PRCD: variants seen among roughly 807,000 people sequenced by gnomAD.
PRCD encodes the protein photoreceptor disk component PRCD.
PRCD carries 12 observed loss-of-function variants against 10.1 expected under a neutral mutation model. The ratio of observed to expected loss-of-function variants is 1.18; its 90% CI spans 0.76 to 1.92. PRCD has a LOEUF of 1.92. PRCD is among the 40% of genes most tolerant of loss of function. PRCD has a pLI of 0.00. For synonymous variants in PRCD, 31 were observed against 26.2 expected, an observed-to-expected ratio of 1.18 and a Z score of -0.56; for missense variants, 61 against 72.2, an observed-to-expected ratio of 0.84 and a Z score of 0.56.
intron 1 of PRCD, chr17:76,529,949 T>C (rs975822662): frequency 4.1e-6 from 4 of 985,074 alleles, no homozygotes; most frequent in Admixed American, 6.1e-5. Flanking sequence ...GGGGCCAGTG[T>C]GGTCAGCAGC....
upstream of PRCD, chr17:76,538,567 G>GA: frequency 2.2e-6 from 1 of 463,962 alleles, no homozygotes; most frequent in East Asian, 7.4e-5. Flanking sequence ...AGTCCAGAGA[G>GA]GCACCGGATA....
intron 4 of PRCD, among the ~76,000 whole-genome samples, 183 bp from the exon 5 acceptor site, chr17:76,543,620 C>G (rs1384034834): frequency 2.6e-5 from 4 of 152,234 alleles, no homozygotes; most frequent in Non-Finnish European, 5.9e-5. Context: ...ACGCTCCTAC[C>G]CACCATGGCA....
chr17:76,534,688 G>A (rs1429869394), intron 1 of PRCD, among the ~76,000 whole-genome samples: 4 of 152,182 alleles, frequency 2.6e-5, no homozygotes, highest in Admixed American at 2.6e-4. Flanking sequence ...GTGCCAGGAA[G>A]GGGCCCAGGC....
rs4648337 is a variant in PRCD, at chr17:76,531,715, C to A, written n.45+3882C>A. 6.4e-7 allele frequency: 1 copy of A among 1,564,598 alleles called. No individual in the cohort carries two copies. Among genetic ancestry groups the A allele is most frequent in the South Asian group, 1.2e-5 (1 of 85,538 alleles). ...ACCTGGCAAGAGGAACAGGGGTGGT[C>A]GCTGAAGCTGGAGGCTGCCTCGGGC... is the stretch of plus-strand genomic sequence containing the variant. On this transcript the variant is annotated intron_variant and non_coding_transcript_variant, in intron 1 of 4. Transcript: ENST00000397633. The surrounding 1 kb of genome is among the most constrained non-coding windows in gnomAD (Gnocchi z 7.4).
In PRCD at chr17:76,540,307, C is replaced by A; in HGVS notation, c.74+92C>A. Reference sequence around the variant, plus strand: ...CCAAGCTGAAGGTGGGCAGGGGCTGCGTGAACCTTCAGCGGGGCTGGGAGG... The same window carrying A: ...CCAAGCTGAAGGTGGGCAGGGGCTGAGTGAACCTTCAGCGGGGCTGGGAGG... On this transcript the variant is annotated intron_variant, in intron 1 of 4. Transcript: ENST00000592014. The surrounding 1 kb of genome is among the most constrained non-coding windows in gnomAD (Gnocchi z 5.0). 7.1e-7 allele frequency: 1 copy of A among 1,406,746 alleles called. No homozygotes were observed. The highest frequency in any genetic ancestry group is 9.8e-7 in the Non-Finnish European group (1 of 1,021,736). 87.1% of individuals were successfully genotyped at this position (1,406,746 alleles called of 1,614,324 possible).
At position 76,534,146 on chromosome 17, in the gene PRCD, T is replaced by TTCTCTCTCTCTCTCTCTCTCTC. The variant is rs71158013; in HGVS notation, n.45+6323_46-6328dup. Among the ~76,000 whole-genome samples the TTCTCTCTCTCTCTCTCTCTCTC allele has an allele frequency of 1.9e-3, 251 of 128,966 alleles. 2 individuals are homozygous for TTCTCTCTCTCTCTCTCTCTCTC. Among genetic ancestry groups the TTCTCTCTCTCTCTCTCTCTCTC allele is most frequent in the Middle Eastern group, 4.1e-3 (1 of 246 alleles). 84.6% of individuals were successfully genotyped at this position (128,966 alleles called of 152,430 possible). A position where few individuals can be genotyped will look rare whatever the true frequency, so the allele number is the denominator to read the frequency against. ...TCTTTCTTTCTCTCTCTCTTTCTCTTTCTCTCTCTCTCTCTCTCTCTCTCT... is the reference window on the plus strand; with the variant it reads ...TCTTTCTTTCTCTCTCTCTTTCTCTTTCTCTCTCTCTCTCTCTCTCTCTCTCTCTCTCTCTCTCTCTCTCTCT... On this transcript the variant is annotated intron_variant and non_coding_transcript_variant, in intron 1 of 4. Coordinates refer to the PRCD transcript ENST00000397633.
At chr17:76,537,737 A>T, upstream of PRCD, 1 of 185,586 alleles carries the variant, frequency 5.4e-6, no homozygotes, top group Non-Finnish European at 9.4e-6. Flanking sequence ...TGCAGGGTAT[A>T]TGTGCGGGGG....
chr17:76,531,429 T>G lies in PRCD; in HGVS notation n.45+3596T>G, dbSNP rs759861535. On this transcript the variant is annotated intron_variant and non_coding_transcript_variant, in intron 1 of 4. Transcript: ENST00000397633. The surrounding 1 kb of genome is among the most constrained non-coding windows in gnomAD (Gnocchi z 7.4). ...GCAGATGGCCATGACGCGTGGGCGG[T>G]GGGGGCTCTGCAGCAGATGGGGGCG... 1.6e-5 allele frequency: 25 copies of G among 1,590,382 alleles called. No homozygotes were observed. Among genetic ancestry groups the G allele is most frequent in the African/African-American group, 4.0e-5 (3 of 74,480 alleles).
At chr17:76,542,729 C>A in intron 3 of PRCD, 96 bp downstream of exon 3, 1 of 784,200 alleles carries the variant, frequency 1.3e-6, no homozygotes, top group Non-Finnish European at 2.2e-6. Context: ...GGATAGCAGG[C>A]AGTGTTCAGC....
Position 76,531,309 on chromosome 17 carries a change from C to T in PRCD, n.45+3476C>T. ...GACAAGGGTTGCCCTGGACCCAGCC[C>T]CTCCATCCTGCTGCCGGGCACTGCC... On this transcript the variant is annotated intron_variant and non_coding_transcript_variant, in intron 1 of 4. Coordinates refer to the PRCD transcript ENST00000397633. The surrounding 1 kb of genome is among the most constrained non-coding windows in gnomAD (Gnocchi z 7.4). 1 of 1,197,164 alleles carries T rather than the reference C, an allele frequency of 8.4e-7. No individual in the cohort carries two copies. Among genetic ancestry groups the T allele is most frequent in the Non-Finnish European group, 1.2e-6 (1 of 856,186 alleles). The allele number at this position is 1,197,164 out of a possible 1,614,324, so 74.2% of individuals were successfully genotyped here.
downstream of PRCD, among the ~76,000 whole-genome samples, chr17:76,549,026 CA>C (rs2075082538): frequency 6.6e-6 from 1 of 152,142 alleles, no homozygotes; most frequent in African/African-American, 2.4e-5. Flanking sequence ...ACACACAGAT[CA>C]ATGGAATCCA....
At chr17:76,545,731 A>G, downstream of PRCD, 1 of 246,506 alleles carries the variant, frequency 4.1e-6, no homozygotes, top group Non-Finnish European at 8.1e-6. Context: ...GGTTGATTAG[A>G]TAACGTGTGG....
downstream of PRCD, among the ~76,000 whole-genome samples, chr17:76,547,620 TC>T (rs1485579831): frequency 1.3e-5 from 2 of 148,574 alleles, no homozygotes; most frequent in Admixed American, 1.4e-4. Context: ...GCCAATCCTG[TC>T]CCTATGTGAA....
Position 76,533,172 on chromosome 17 carries a change from T to C in PRCD, n.45+5339T>C, listed in dbSNP as rs2074868796. Among the ~76,000 whole-genome samples the C allele has an allele frequency of 1.3e-5, 2 of 152,108 alleles. No individual in the cohort carries two copies. Among genetic ancestry groups the C allele is most frequent in the Admixed American group, 1.3e-4 (2 of 15,262 alleles). On this transcript the variant is annotated intron_variant and non_coding_transcript_variant, in intron 1 of 4. Coordinates refer to the PRCD transcript ENST00000397633. This position sits in a 1 kb window ranked among gnomAD's most constrained non-coding sequence, Gnocchi z 4.5. The stretch of plus-strand genomic sequence containing the variant: ...CACAGTGACCAGGGCACAGTCTGTG[T>C]GGAGACTCAGGAGGGCCCCTCTCAG...
At chr17:76,543,227 C>G (rs578090339) in intron 4 of PRCD, 106 bp downstream of exon 4, 2 of 384,774 alleles carry the variant, frequency 5.2e-6, no homozygotes, top group Non-Finnish European at 1.1e-5. Context: ...AAAGAGCAGA[C>G]GTGCTCGCTG....
chr17:76,549,883 G>A (rs2075089791), downstream of PRCD: 2 of 152,208 alleles, frequency 1.3e-5, no homozygotes, highest in South Asian at 2.1e-4. Flanking sequence ...AGGCATCAGT[G>A]GTTGACTGGG....
chr17:76,532,657 G>A (rs1407211852), intron 1 of PRCD, among the ~76,000 whole-genome samples: 1 of 149,638 alleles, frequency 6.7e-6, no homozygotes, highest in African/African-American at 2.5e-5. Flanking sequence ...TCAGCTTCCT[G>A]AGTAGCTGGG....
At chr17:76,527,958 C>T (rs113288887) in intron 1 of PRCD, 3 of 378,196 alleles carry the variant, frequency 7.9e-6, no homozygotes, top group African/African-American at 6.3e-5. Context: ...GTTGCCCCAG[C>T]CCTGCCCCTC....
chr17:76,542,550 T>G lies in PRCD; in HGVS notation c.144-3T>G. 1 of 1,614,116 alleles carries G rather than the reference T, an allele frequency of 6.2e-7. No homozygotes were observed. Among genetic ancestry groups the G allele is most frequent in the Non-Finnish European group, 8.5e-7 (1 of 1,179,998 alleles). On this transcript the variant is annotated splice_region_variant and splice_polypyrimidine_tract_variant and intron_variant, in intron 2 of 4. Coordinates refer to ENST00000592014, the MANE Select transcript of PRCD (RefSeq NM_001077620.3). Reference sequence around the variant, plus strand: ...CCTGACCCCAGTGCTTTCCTCTGTTTAGGGAGAAAGAACCTCTGAAGTAAG... The same window carrying G: ...CCTGACCCCAGTGCTTTCCTCTGTTGAGGGAGAAAGAACCTCTGAAGTAAG...
Sources: allele counts gnomAD v4.1 joint callset (sites outside exome capture counted in the v4.1 genomes callset), GRCh38; gene constraint gnomAD v4.1.1; non-coding constraint Gnocchi (gnomAD v3.1); transcripts MANE v1.5; gene names NCBI Gene and HGNC (gene_info 2026-07-23, HGNC 2026-07-21).